Variants in MIGA1 observed in about 807,000 individuals in gnomAD.
MIGA1 encodes mitoguardin 1.
In MIGA1, 58 loss-of-function variants were observed where a neutral mutation model predicts 82.0. The observed-to-expected ratio is 0.71, with a 90% CI of 0.57 to 0.88. MIGA1 has a LOEUF of 0.88. Among genes scored for constraint, MIGA1 ranks in the 40% least tolerant of loss-of-function variants. The pLI, the probability that MIGA1 is intolerant of heterozygous loss-of-function variation, is 0.00. For synonymous variants in MIGA1, 249 were observed against 253.6 expected, an observed-to-expected ratio of 0.98 and a Z score of 0.17; for missense variants, 751 against 749.1, an observed-to-expected ratio of 1.00 and a Z score of -0.03.
chr1:77,820,990 T>C (rs1470637400), intron 7 of MIGA1, among the ~76,000 whole-genome samples: 1 of 151,556 alleles, frequency 6.6e-6, no homozygotes, highest in East Asian at 1.9e-4. Context: ...AAAAATTAGC[T>C]GGGTGTGGTG....
At chr1:77,837,036 A>G (rs915229297) in intron 7 of MIGA1, among the ~76,000 whole-genome samples, 13 of 152,178 alleles carry the variant, frequency 8.5e-5, no homozygotes, top group African/African-American at 3.1e-4. Flanking sequence ...TAGTGACTCA[A>G]AAACTATAAG....
intron 8 of MIGA1, chr1:77,847,642 C>T (rs903155904): frequency 1.6e-5 from 25 of 1,557,758 alleles, no homozygotes; most frequent in Middle Eastern, 3.4e-4. Context: ...GCGCTGGAAG[C>T]GTGTTTGGAT....
rs555020561 is a variant in MIGA1 at position 77,825,370 on chromosome 1, A to G, written c.895+10139A>G. On this transcript the variant is annotated intron_variant, in intron 7 of 15. Coordinates refer to ENST00000370791, the MANE Select transcript of MIGA1 (RefSeq NM_198549.4). ...CACAAACAAATGAAATGAAGATTTGAGTTAGTTCTCTAAAAATGAAAACGT... is the reference window on the plus strand; with the variant it reads ...CACAAACAAATGAAATGAAGATTTGGGTTAGTTCTCTAAAAATGAAAACGT... 2.6e-5 allele frequency among the ~76,000 whole-genome samples: 4 copies of G among 152,274 alleles called. No individual in the cohort carries two copies. In the East Asian group the frequency reaches 7.7e-4, roughly 29 times the overall value.
intron 7 of MIGA1, among the ~76,000 whole-genome samples, chr1:77,815,980 GTCA>G (rs529200252): frequency 3.2e-4 from 48 of 152,102 alleles, no homozygotes; most frequent in African/African-American, 1.1e-3. Context: ...CACTCACTCT[GTCA>G]CCCAGGCTGG....
chr1:77,811,624 G>C (rs1169544769), intron 5 of MIGA1: 4 of 1,612,088 alleles, frequency 2.5e-6, no homozygotes, highest in Non-Finnish European at 3.4e-6. Context: ...TGTGAATTCA[G>C]AATTATTGTG....
intron 7 of MIGA1, among the ~76,000 whole-genome samples, chr1:77,822,497 T>G (rs1379485755): frequency 6.6e-6 from 1 of 152,168 alleles, no homozygotes; most frequent in Non-Finnish European, 1.5e-5. Context: ...AACTGGGAAT[T>G]TAGGAAAATA....
intron 8 of MIGA1, chr1:77,847,467 A>G (rs1570991331): frequency 1.4e-6 from 2 of 1,430,562 alleles, no homozygotes; most frequent in Non-Finnish European, 2.0e-6. Flanking sequence ...ACAGGAAAAA[A>G]GAATGGAAAA....
chr1:77,857,203 T>A (rs1206754600), intron 8 of MIGA1, among the ~76,000 whole-genome samples: 1 of 152,070 alleles, frequency 6.6e-6, no homozygotes, highest in Non-Finnish European at 1.5e-5. Context: ...CTTTTTGGAG[T>A]TGATTTCCAG....
At chr1:77,851,080 G>A (rs1450660050) in intron 8 of MIGA1, among the ~76,000 whole-genome samples, 4 of 152,118 alleles carry the variant, frequency 2.6e-5, no homozygotes, top group African/African-American at 4.8e-5. Flanking sequence ...ATATTGGCCA[G>A]GCTGGTCTTG....
At chr1:77,823,488 A>G (rs1429666361) in intron 7 of MIGA1, among the ~76,000 whole-genome samples, 2 of 152,260 alleles carry the variant, frequency 1.3e-5, no homozygotes, top group East Asian at 3.8e-4. Flanking sequence ...AGCTTAAGTA[A>G]GTAGATTTTC....
chr1:77,796,149 C>T lies in MIGA1; in HGVS notation c.196-5182C>T, dbSNP rs1162252622. On this transcript the variant is annotated intron_variant, in intron 2 of 15. Transcript: ENST00000370791. ...TTTTTTTTTTTTTGAGATGGAGTCT[C>T]TCTCTGTCACCCAGGTTGGAGCACA... Among the ~76,000 whole-genome samples the T allele has an allele frequency of 2.7e-5, 4 of 149,508 alleles. No individual in the cohort carries two copies. The East Asian group carries it at 7.9e-4, about 30-fold the overall frequency.
chr1:77,826,090 A>G (rs1262257961), intron 7 of MIGA1, among the ~76,000 whole-genome samples: 1 of 152,218 alleles, frequency 6.6e-6, no homozygotes, highest in Non-Finnish European at 1.5e-5. Context: ...GGCCTGTTCT[A>G]AGCTGGTTTA....
rs372710889 is a variant in MIGA1 at position 77,811,722 on chromosome 1, G to A, written c.638-2012G>A. 45 of 1,611,468 alleles carry A rather than the reference G, an allele frequency of 2.8e-5. No individual in the cohort carries two copies. In the South Asian group the frequency reaches 3.2e-4, roughly 11 times the overall value. On this transcript the variant is annotated intron_variant, in intron 5 of 15. Coordinates refer to ENST00000370791, the MANE Select transcript of MIGA1 (RefSeq NM_198549.4). ...CCAGCTGGCCCCAAGAGTCGAAGTC[G>A]GCGCCTCTCCTAAAACTGGCGCCCC...
At chr1:77,828,187 C>T (rs1005798794) in intron 7 of MIGA1, among the ~76,000 whole-genome samples, 4 of 152,178 alleles carry the variant, frequency 2.6e-5, no homozygotes, top group Non-Finnish European at 5.9e-5. Context: ...AAACCTTAAA[C>T]TCCTTGTGGG....
At chr1:77,869,472 G>A (rs1212790846) in intron 14 of MIGA1, among the ~76,000 whole-genome samples, 8 of 140,620 alleles carry the variant, frequency 5.7e-5, no homozygotes, top group Admixed American at 3.5e-4. Context: ...CCTCCCAGAC[G>A]GGGTCGTGGC....
intron 7 of MIGA1, among the ~76,000 whole-genome samples, chr1:77,830,474 A>G (rs1374308875): frequency 6.6e-6 from 1 of 152,178 alleles, no homozygotes; most frequent in African/African-American, 2.4e-5. Context: ...CAGTAATTTG[A>G]CATAGGTTCT....
chr1:77,851,107 A>G (rs1685031476), intron 8 of MIGA1, among the ~76,000 whole-genome samples: 1 of 152,070 alleles, frequency 6.6e-6, no homozygotes, highest in Non-Finnish European at 1.5e-5. Context: ...TGACCCTCAG[A>G]TGATCCACCC....
rs1683003691 is a variant in MIGA1, at chr1:77,804,338, T to A, written c.510+932T>A. ...GACAAGTGAGGAATGAAGTTAGTATTTGTTTAAATCTAATGTGATTTAAAC... is the reference window on the plus strand; with the variant it reads ...GACAAGTGAGGAATGAAGTTAGTATATGTTTAAATCTAATGTGATTTAAAC... On this transcript the variant is annotated intron_variant, in intron 4 of 15. Transcript: ENST00000370791. Among the ~76,000 whole-genome samples, 5 of 152,342 alleles carry A rather than the reference T, an allele frequency of 3.3e-5. No individual in the cohort carries two copies. In the South Asian group the frequency reaches 1.0e-3, roughly 32 times the overall value.
At chr1:77,829,414 G>A (rs1172991989) in intron 7 of MIGA1, among the ~76,000 whole-genome samples, 1 of 152,164 alleles carries the variant, frequency 6.6e-6, no homozygotes, top group Non-Finnish European at 1.5e-5. Flanking sequence ...TGGCACCACT[G>A]CACTTCAGCC....
Sources: gnomAD v4.1 joint callset for allele counts (sites outside exome capture counted in the v4.1 genomes callset) on GRCh38, gnomAD v4.1.1 for gene constraint, MANE v1.5 for transcripts, NCBI Gene and HGNC (gene_info 2026-07-23, HGNC 2026-07-21) for gene names.